The following FOXJ3 variants were observed in gnomAD, a reference collection of about 807,000 sequenced individuals.
FOXJ3 encodes the protein forkhead box protein J3.
In FOXJ3, 22 loss-of-function variants were observed where a neutral mutation model predicts 76.1. The observed-to-expected ratio is 0.29, with a 90% confidence interval of 0.21 to 0.41. The LOEUF is 0.41. FOXJ3 is among the 10% of genes least tolerant of loss of function. The pLI, the probability that FOXJ3 is intolerant of heterozygous loss-of-function variation, is 1.00. For missense variants in FOXJ3, 613 were observed against 762.1 expected, an observed-to-expected ratio of 0.80 and a Z score of 2.30; for synonymous variants, 269 against 261.2, an observed-to-expected ratio of 1.03 and a Z score of -0.29.
intron 1 of FOXJ3, among the ~76,000 whole-genome samples, chr1:42,330,219 T>C (rs1300240224): frequency 2.6e-5 from 4 of 152,196 alleles, no homozygotes; most frequent in Non-Finnish European, 5.9e-5. Context: ...ATTATTATCA[T>C]TACATTATCA....
chr1:42,246,778 A>AT (rs1347174837), intron 4 of FOXJ3, among the ~76,000 whole-genome samples: 2 of 152,208 alleles, frequency 1.3e-5, no homozygotes, highest in Non-Finnish European at 2.9e-5. Context: ...AAGCAAAGAT[A>AT]TAGAATCAAA....
chr1:42,200,668 C>T (rs534849212), intron 6 of FOXJ3, among the ~76,000 whole-genome samples: 6 of 152,030 alleles, frequency 3.9e-5, no homozygotes, highest in African/African-American at 7.3e-5. Context: ...TTAGTAGAGA[C>T]GGGGTTTCAC....
Position 42,257,652 on chromosome 1 carries a change from T to C in FOXJ3, c.444+7463A>G, listed in dbSNP as rs1300709348. On this transcript the variant is annotated intron_variant, in intron 4 of 12. Coordinates refer to ENST00000361346, the MANE Select transcript of FOXJ3 (RefSeq NM_014947.5). ...TACAGGGGAGGGTGAGGCAGGAGAATCATTTGAGCCTGGGAGGCAGAGGTG... is the reference window on the plus strand; with the variant it reads ...TACAGGGGAGGGTGAGGCAGGAGAACCATTTGAGCCTGGGAGGCAGAGGTG... Among the ~76,000 whole-genome samples the C allele has an allele frequency of 2.0e-5, 3 of 150,608 alleles. No individual in the cohort carries two copies. In the East Asian group the frequency reaches 5.9e-4, roughly 29 times the overall value.
intron 4 of FOXJ3, among the ~76,000 whole-genome samples, chr1:42,244,045 A>T (rs1269006405): frequency 6.6e-6 from 1 of 152,208 alleles, no homozygotes; most frequent in East Asian, 1.9e-4. Context: ...ATACATGGAA[A>T]GTAAACAAGA....
At chr1:42,200,502 G>C (rs966502172) in intron 6 of FOXJ3, among the ~76,000 whole-genome samples, 3 of 151,802 alleles carry the variant, frequency 2.0e-5, no homozygotes, top group Admixed American at 2.0e-4. Flanking sequence ...TTTTTGAGAC[G>C]GAGTCTCGCT....
chr1:42,335,777 A>C (rs1229203704), upstream of FOXJ3: 3 of 147,524 alleles, frequency 2.0e-5, no homozygotes, highest in Non-Finnish European at 4.5e-5. Flanking sequence ...TGCTAGACTC[A>C]TGTCTGCGGA....
chr1:42,244,654 GAAAA>G (rs149587736), intron 4 of FOXJ3, among the ~76,000 whole-genome samples: 7 of 144,960 alleles, frequency 4.8e-5, no homozygotes, highest in Non-Finnish European at 1.1e-4. Flanking sequence ...CACTAATCAA[GAAAA>G]AAAAAAAGAG....
At chr1:42,228,843 C>G (rs1282890608) in intron 4 of FOXJ3, among the ~76,000 whole-genome samples, 1 of 152,080 alleles carries the variant, frequency 6.6e-6, no homozygotes, top group Non-Finnish European at 1.5e-5. Flanking sequence ...ATATGCATTT[C>G]AGAAACAGAA....
At chr1:42,187,193 C>T (rs1244383197) in intron 11 of FOXJ3, among the ~76,000 whole-genome samples, 1 of 152,250 alleles carries the variant, frequency 6.6e-6, no homozygotes, top group Non-Finnish European at 1.5e-5. Flanking sequence ...TTCTACTTCT[C>T]CTGCCTACGG....
At chr1:42,308,263 G>C (rs1450172264) in intron 2 of FOXJ3, among the ~76,000 whole-genome samples, 1 of 152,196 alleles carries the variant, frequency 6.6e-6, no homozygotes, top group East Asian at 1.9e-4. Flanking sequence ...CAAACAAGCA[G>C]TGTTTGTCAG....
At chr1:42,280,278 G>C in intron 2 of FOXJ3, 1 of 981,748 alleles carries the variant, frequency 1.0e-6, no homozygotes, top group Non-Finnish European at 1.2e-6. Context: ...CAACCACGAG[G>C]ATTCTACCTG....
intron 1 of FOXJ3, among the ~76,000 whole-genome samples, chr1:42,312,378 A>T (rs1387195161): frequency 2.6e-5 from 4 of 152,126 alleles, no homozygotes; most frequent in Admixed American, 6.6e-5. Flanking sequence ...TTTCCTAAAT[A>T]CTATGTAGGC....
chr1:42,305,041 T>C (rs1283335183), intron 2 of FOXJ3, among the ~76,000 whole-genome samples: 1 of 152,098 alleles, frequency 6.6e-6, no homozygotes, highest in African/African-American at 2.4e-5. Context: ...CAAATAACTG[T>C]ATAGGAGAAA....
intron 7 of FOXJ3, among the ~76,000 whole-genome samples, chr1:42,196,430 C>CGTTG (rs1456018626): frequency 1.3e-5 from 2 of 152,128 alleles, no homozygotes; most frequent in Non-Finnish European, 2.9e-5. Flanking sequence ...AGTGGCTCAA[C>CGTTG]GCCTATAATC....
At chr1:42,193,198 G>C (rs531692412) in intron 8 of FOXJ3, among the ~76,000 whole-genome samples, 1 of 151,700 alleles carries the variant, frequency 6.6e-6, no homozygotes, top group South Asian at 2.1e-4. Context: ...GTCTACCTCT[G>C]CATCTGCACA....
chr1:42,201,743 G>C (rs1315305122), intron 6 of FOXJ3, among the ~76,000 whole-genome samples: 2 of 151,912 alleles, frequency 1.3e-5, no homozygotes, highest in African/African-American at 4.8e-5. Flanking sequence ...ATATAAATTG[G>C]GACATGTTAC....
intron 4 of FOXJ3, among the ~76,000 whole-genome samples, chr1:42,243,338 C>G (rs71654227): frequency 1.3e-5 from 2 of 151,982 alleles, no homozygotes; most frequent in Non-Finnish European, 2.9e-5. Context: ...TAATAAGCAA[C>G]AAGAAAGAAA....
intron 4 of FOXJ3, among the ~76,000 whole-genome samples, chr1:42,249,494 T>G (rs959020139): frequency 6.6e-5 from 10 of 152,310 alleles, no homozygotes; most frequent in African/African-American, 2.4e-4. Flanking sequence ...CCCAACCTAC[T>G]GATCAAAAAT....
chr1:42,183,232 G>A (rs1386724132), intron 11 of FOXJ3, among the ~76,000 whole-genome samples: 1 of 146,048 alleles, frequency 6.8e-6, no homozygotes, highest in Non-Finnish European at 1.5e-5. Context: ...CTCCAGCCTG[G>A]TTAATAGAGT....
Sources: gnomAD v4.1 joint callset for allele counts (sites outside exome capture counted in the v4.1 genomes callset) on GRCh38, gnomAD v4.1.1 for gene constraint, MANE v1.5 for transcripts, NCBI Gene and HGNC (gene_info 2026-07-23, HGNC 2026-07-21) for gene names.